PTPRJ: variants seen among roughly 807,000 people sequenced by gnomAD.
The protein encoded by PTPRJ is receptor-type tyrosine-protein phosphatase eta.
Under a neutral mutation model 141.3 loss-of-function variants are expected in PTPRJ, and 129 were observed. That is an observed-to-expected ratio of 0.91 (90% confidence interval 0.79 to 1.06). The LOEUF (loss-of-function observed/expected upper bound fraction) is 1.06, where lower values mean the gene tolerates loss of function less well. Among genes scored for constraint, PTPRJ ranks in the 50% least tolerant of loss-of-function variants. The pLI is 0.00. For missense variants in PTPRJ, 1,601 were observed against 1,679.7 expected, an observed-to-expected ratio of 0.95 and a Z score of 0.82; for synonymous variants, 610 against 640.5, an observed-to-expected ratio of 0.95 and a Z score of 0.72.
chr11:48,021,059 G>A (rs1855104961), intron 1 of PTPRJ, among the ~76,000 whole-genome samples: 2 of 152,136 alleles, frequency 1.3e-5, no homozygotes, highest in Admixed American at 1.3e-4. Flanking sequence ...ACTGGCCACA[G>A]CCCAGCCCAG....
At position 48,142,193 on chromosome 11, in the gene PTPRJ, C is replaced by G. The variant is rs905272450; in HGVS notation, c.2444-726C>G. Among the ~76,000 whole-genome samples the G allele has an allele frequency of 5.7e-4, 87 of 152,230 alleles. 1 individual carries two copies. Among genetic ancestry groups the G allele is most frequent in the African/African-American group, 1.7e-3 (71 of 41,550 alleles). On this transcript the variant is annotated intron_variant, in intron 11 of 24. Coordinates refer to ENST00000418331, the MANE Select transcript of PTPRJ (RefSeq NM_002843.4). The stretch of plus-strand genomic sequence containing the variant: ...TTAATTCTGGGCTCAGTATTCTGTT[C>G]TATGGGTTGATGTCTGTCTTTATGC...
At chr11:48,067,078 A>G (rs1213200715) in intron 1 of PTPRJ, among the ~76,000 whole-genome samples, 1 of 152,232 alleles carries the variant, frequency 6.6e-6, no homozygotes, top group African/African-American at 2.4e-5. Context: ...AAAATCTGAA[A>G]CCTGCAGTGG....
chr11:47,996,005 T>G (rs1450358465), intron 1 of PTPRJ, among the ~76,000 whole-genome samples: 13 of 150,536 alleles, frequency 8.6e-5, no homozygotes, highest in Admixed American at 8.6e-4. Flanking sequence ...GCCATTGCAC[T>G]TCAGCCTGGG....
chr11:48,111,518 A>G (rs1467000187), intron 2 of PTPRJ, among the ~76,000 whole-genome samples: 1 of 152,174 alleles, frequency 6.6e-6, no homozygotes, highest in African/African-American at 2.4e-5. Context: ...ATCTCAATTA[A>G]TAATGGTAAT....
chr11:48,052,148 G>A (rs575746609), intron 1 of PTPRJ, among the ~76,000 whole-genome samples: 4 of 152,298 alleles, frequency 2.6e-5, no homozygotes, highest in Admixed American at 6.5e-5. Flanking sequence ...CCTGGATCCC[G>A]TCAGGATGGG....
intron 19 of PTPRJ, among the ~76,000 whole-genome samples, chr11:48,154,694 T>G (rs1857560216): frequency 6.6e-6 from 1 of 152,236 alleles, no homozygotes; most frequent in Non-Finnish European, 1.5e-5. Flanking sequence ...AAACATTAAG[T>G]TCTTTTTAAA....
intron 24 of PTPRJ, 67 bp from the exon 25 acceptor site, chr11:48,167,137 T>C (rs1857934102): frequency 6.7e-7 from 1 of 1,482,238 alleles, no homozygotes; most frequent in African/African-American, 1.4e-5. Context: ...TGTTTGAAAA[T>C]AATTTTGGGT....
chr11:48,005,967 C>T (rs1357976108), intron 1 of PTPRJ, among the ~76,000 whole-genome samples: 2 of 152,222 alleles, frequency 1.3e-5, no homozygotes, highest in South Asian at 2.1e-4. Flanking sequence ...GCCACCTGCC[C>T]CTGCTGGGCC....
Position 48,124,995 on chromosome 11 carries a change from C to T in PTPRJ, c.902C>T (p.Ala301Val). 6.2e-7 allele frequency: 1 copy of T among 1,614,030 alleles called. No individual in the cohort carries two copies. Among genetic ancestry groups the T allele is most frequent in the Non-Finnish European group, 8.5e-7 (1 of 1,179,968 alleles). ...LDASNTERSR[A>V]GSPTAPVHDE... ...GCCAGCAATACAGAGAGAAGCCGGG[C>T]AGGGAGCCCCACCGCCCCTGTGCAT... The change falls in exon 6 of 25, where the codon GCA becomes GTA. Residue 301 changes from alanine (A) to valine (V), a missense_variant. Transcript: ENST00000418331.
chr11:48,043,884 C>G (rs573303741), intron 1 of PTPRJ, among the ~76,000 whole-genome samples: 1 of 152,184 alleles, frequency 6.6e-6, no homozygotes, highest in Admixed American at 6.5e-5. Flanking sequence ...CAGCAGCCAG[C>G]GACTCTCTAT....
At position 48,167,197 on chromosome 11, in the gene PTPRJ, C is replaced by A; in HGVS notation, c.3856-7C>A. The A allele has an allele frequency of 6.3e-7, 1 of 1,599,212 alleles. No homozygotes were observed. The highest frequency in any genetic ancestry group is 8.5e-7 in the Non-Finnish European group (1 of 1,173,022). The stretch of plus-strand genomic sequence containing the variant: ...TTTTCTGTCTCTCTCTTTCGTTTTT[C>A]TATCAGGACCAGTATGTTTTCCTCA... On this transcript the variant is annotated splice_polypyrimidine_tract_variant and splice_region_variant and intron_variant, in intron 24 of 24. Transcript: ENST00000418331.
At chr11:48,132,049 A>G (rs1856994047) in intron 8 of PTPRJ, 1 of 695,894 alleles carries the variant, frequency 1.4e-6, no homozygotes, top group African/African-American at 1.9e-5. Flanking sequence ...GTAAATACAA[A>G]TTCTCTGAGA....
At chr11:48,078,022 C>G (rs756417572) in intron 1 of PTPRJ, among the ~76,000 whole-genome samples, 10 of 150,848 alleles carry the variant, frequency 6.6e-5, no homozygotes, top group Admixed American at 2.0e-4. Flanking sequence ...AGATCTGGGA[C>G]AAATAGCTAA....
At chr11:48,017,042 G>C (rs1854970055) in intron 1 of PTPRJ, among the ~76,000 whole-genome samples, 1 of 151,996 alleles carries the variant, frequency 6.6e-6, no homozygotes, top group Non-Finnish European at 1.5e-5. Context: ...TCACAGGTGT[G>C]AGTTACCTCA....
chr11:48,108,100 A>G (rs1856343289), intron 1 of PTPRJ, among the ~76,000 whole-genome samples: 1 of 152,276 alleles, frequency 6.6e-6, no homozygotes, highest in East Asian at 1.9e-4. Flanking sequence ...AAAGTTATTC[A>G]AAAAATACTT....
chr11:48,145,101 C>T lies in PTPRJ; in HGVS notation c.2888C>T (p.Ala963Val). 1 of 1,614,138 alleles carries T rather than the reference C, an allele frequency of 6.2e-7. No homozygotes were observed. The highest frequency in any genetic ancestry group is 8.5e-7 in the Non-Finnish European group (1 of 1,180,006). ...GTGTCCTTCAGTCGCTACTCAGATG[C>T]TGTTTCCTTGCCCCAGGATCCAGGT... is the stretch of plus-strand genomic sequence containing the variant. ...SYVSFSRYSD[A>V]VSLPQDPGVI... Residue 963 changes from alanine to valine, a missense_variant, in exon 14 of 25, where the codon GCT becomes GTT. Physicochemically the swap from Ala to Val is moderately conservative, Grantham distance 64. Coordinates refer to ENST00000418331, the MANE Select transcript of PTPRJ (RefSeq NM_002843.4).
At chr11:48,029,024 C>T (rs1391263773) in intron 1 of PTPRJ, among the ~76,000 whole-genome samples, 1 of 152,238 alleles carries the variant, frequency 6.6e-6, no homozygotes. Flanking sequence ...CTGTGTGACA[C>T]AGGTTGTCCC....
At chr11:48,051,615 T>C (rs753829900) in intron 1 of PTPRJ, among the ~76,000 whole-genome samples, 1 of 152,230 alleles carries the variant, frequency 6.6e-6, no homozygotes, top group African/African-American at 2.4e-5. Flanking sequence ...GACTGCTTAC[T>C]ATAAGCCAGC....
chr11:48,060,838 C>G (rs910939710), intron 1 of PTPRJ, among the ~76,000 whole-genome samples: 1 of 152,100 alleles, frequency 6.6e-6, no homozygotes, highest in African/African-American at 2.4e-5. Context: ...GAGATTTGTT[C>G]CTGGGGCTGA....
Sources: gnomAD v4.1 joint callset for allele counts (sites outside exome capture counted in the v4.1 genomes callset) on GRCh38, gnomAD v4.1.1 for gene constraint, MANE v1.5 for transcripts, NCBI Gene and HGNC (gene_info 2026-07-23, HGNC 2026-07-21) for gene names.